XKR4: variants seen among roughly 807,000 people sequenced by gnomAD.
The protein encoded by XKR4 is XK related 4.
A neutral mutation model predicts 53.9 loss-of-function variants in XKR4; 12 were observed. That is an observed-to-expected ratio of 0.22 (90% CI 0.14 to 0.36). XKR4 has a LOEUF of 0.36. Among genes scored for constraint, XKR4 ranks in the 10% least tolerant of loss-of-function variants. The pLI, the probability that XKR4 is intolerant of heterozygous loss-of-function variation, is 1.00. For synonymous variants in XKR4, 354 were observed against 362.4 expected (o/e 0.98, Z 0.26); for missense variants, 799 against 859.5 (o/e 0.93, Z 0.88).
intron 1 of XKR4, among the ~76,000 whole-genome samples, chr8:55,136,020 A>G (rs1191012136): frequency 6.6e-6 from 1 of 151,912 alleles, no homozygotes; most frequent in Non-Finnish European, 1.5e-5. Context: ...CAGTCTCCCA[A>G]GTAGCTGGGA....
intron 1 of XKR4, among the ~76,000 whole-genome samples, chr8:55,189,152 G>A (rs1480513374): frequency 6.6e-6 from 1 of 152,132 alleles, no homozygotes; most frequent in Admixed American, 6.5e-5. Flanking sequence ...TAGGTTTAGG[G>A]TGCCTGTTAA....
chr8:55,356,287 T>C (rs991299515), intron 1 of XKR4, among the ~76,000 whole-genome samples: 5 of 152,168 alleles, frequency 3.3e-5, no homozygotes, highest in Non-Finnish European at 7.4e-5. Flanking sequence ...CAATATCACC[T>C]GCCAAAAGCA....
At chr8:55,514,160 A>G (rs1806674876) in intron 2 of XKR4, among the ~76,000 whole-genome samples, 1 of 152,236 alleles carries the variant, frequency 6.6e-6, no homozygotes, top group African/African-American at 2.4e-5. Context: ...AAATGGACAA[A>G]AAATTTACAT....
chr8:55,239,904 T>G (rs550171008), intron 1 of XKR4, among the ~76,000 whole-genome samples: 104 of 152,196 alleles, frequency 6.8e-4, no homozygotes, highest in Non-Finnish European at 1.4e-3. Context: ...AAAGTGCTTC[T>G]TATTCACACT....
intron 2 of XKR4, chr8:55,454,308 C>T (rs1236584071): frequency 2.7e-6 from 4 of 1,471,834 alleles, no homozygotes; most frequent in African/African-American, 2.8e-5. Flanking sequence ...GCATTGACCC[C>T]GATTATGAAG....
rs79448399 is a variant in XKR4, at chr8:55,487,984, T to C, written c.1007-35297T>C. On this transcript the variant is annotated intron_variant, in intron 2 of 2. Coordinates refer to ENST00000327381, the MANE Select transcript of XKR4 (RefSeq NM_052898.2). ...GAACTCTGCTTTCAGGATTTCCAACTCTGGAATTTTAATCATTCAGGATTG... is the reference window on the plus strand; with the variant it reads ...GAACTCTGCTTTCAGGATTTCCAACCCTGGAATTTTAATCATTCAGGATTG... 7.6e-3 allele frequency among the ~76,000 whole-genome samples: 1,152 copies of C among 152,298 alleles called. 11 individuals carry two copies. Among genetic ancestry groups the C allele is most frequent in the African/African-American group, 0.026 (1,075 of 41,560 alleles).
intron 1 of XKR4, among the ~76,000 whole-genome samples, chr8:55,325,531 A>G (rs1056825353): frequency 6.6e-6 from 1 of 152,258 alleles, no homozygotes; most frequent in African/African-American, 2.4e-5. Flanking sequence ...TGAGGAAAAC[A>G]ACTCTTAAAT....
chr8:55,379,301 C>T (rs1804198433), intron 2 of XKR4, among the ~76,000 whole-genome samples: 1 of 152,148 alleles, frequency 6.6e-6, no homozygotes. Context: ...CTGTCAGGTG[C>T]TTCATAGTCC....
chr8:55,329,881 G>A (rs1268227192), intron 1 of XKR4, among the ~76,000 whole-genome samples: 1 of 152,118 alleles, frequency 6.6e-6, no homozygotes, highest in African/African-American at 2.4e-5. Flanking sequence ...AAGATACTAG[G>A]CATAGAGGTT....
At chr8:55,384,331 T>C (rs1390216388) in intron 2 of XKR4, among the ~76,000 whole-genome samples, 1 of 152,234 alleles carries the variant, frequency 6.6e-6, no homozygotes, top group Non-Finnish European at 1.5e-5. Flanking sequence ...AAATGTGTGC[T>C]GGGAAAAATG....
chr8:55,523,977 G>A lies in XKR4; in HGVS notation c.1703G>A (p.Gly568Glu). 6.2e-7 allele frequency: 1 copy of A among 1,614,082 alleles called. No homozygotes were observed. The highest frequency in any genetic ancestry group is 8.5e-7 in the Non-Finnish European group (1 of 1,180,030). Residue 568 changes from glycine (G) to glutamate (E), a missense_variant, in exon 3 of 3, where the codon GGG becomes GAG. Physicochemically the swap from Gly to Glu is moderately conservative, Grantham distance 98 (BLOSUM62 -2). This residue lies in a region of XKR4 where 269 missense variants were observed against 264.4 expected (regional missense o/e 1.02). Transcript: ENST00000327381. ...GATCAGAAATTCGCAGAGCGGGATG[G>A]GTGTGTACCTGTCTTTCAAGTGAGG... ...DRDQKFAERDGCVPVFQVRPT... is the reference protein window; with the variant it reads ...DRDQKFAERDECVPVFQVRPT...
chr8:55,384,656 C>T (rs1804284239), intron 2 of XKR4, among the ~76,000 whole-genome samples: 1 of 152,188 alleles, frequency 6.6e-6, no homozygotes, highest in Non-Finnish European at 1.5e-5. Context: ...GGTCCCTGAA[C>T]ACAGTGAGGT....
chr8:55,151,027 C>T lies in XKR4; in HGVS notation c.806+47733C>T, dbSNP rs148987211. On this transcript the variant is annotated intron_variant, in intron 1 of 2. Transcript: ENST00000327381. ...TCCATCTCTAATTTTGGCAATTACT[C>T]AACTTGCACTCAGTATTTAAAGGAA... Among the ~76,000 whole-genome samples the T allele has an allele frequency of 4.0e-3, 612 of 152,288 alleles. 4 individuals are homozygous for T. Among genetic ancestry groups the T allele is most frequent in the Middle Eastern group, 6.8e-3 (2 of 294 alleles).
chr8:55,297,203 C>T (rs1320404842), intron 1 of XKR4, among the ~76,000 whole-genome samples: 1 of 152,062 alleles, frequency 6.6e-6, no homozygotes, highest in East Asian at 1.9e-4. Flanking sequence ...GGAAATGATA[C>T]CCAAGAGCTT....
chr8:55,118,140 T>A (rs1379371781), intron 1 of XKR4, among the ~76,000 whole-genome samples: 1 of 152,214 alleles, frequency 6.6e-6, no homozygotes, highest in Non-Finnish European at 1.5e-5. Context: ...TTCCTGGGAT[T>A]GATGTGTCAC....
chr8:55,291,702 A>G (rs1819023805), intron 1 of XKR4, among the ~76,000 whole-genome samples: 1 of 152,144 alleles, frequency 6.6e-6, no homozygotes, highest in South Asian at 2.1e-4. Context: ...ATGTTATCAT[A>G]CATCTTGCAA....
intron 2 of XKR4, among the ~76,000 whole-genome samples, chr8:55,467,342 G>T (rs1805790405): frequency 6.6e-6 from 1 of 152,112 alleles, no homozygotes; most frequent in African/African-American, 2.4e-5. Flanking sequence ...TTAACTCAAA[G>T]TCAAATGATT....
chr8:55,252,883 G>T (rs936530318), intron 1 of XKR4, among the ~76,000 whole-genome samples: 1 of 152,174 alleles, frequency 6.6e-6, no homozygotes, highest in Non-Finnish European at 1.5e-5. Flanking sequence ...AAATCAGAAA[G>T]AGTACAGACC....
intron 1 of XKR4, among the ~76,000 whole-genome samples, chr8:55,219,641 C>A (rs1034658745): frequency 1.3e-5 from 2 of 152,184 alleles, no homozygotes; most frequent in African/African-American, 4.8e-5. Flanking sequence ...AAACCAACAA[C>A]CTCTCCCCAT....
Sources: allele counts gnomAD v4.1 joint callset (sites outside exome capture counted in the v4.1 genomes callset), GRCh38; gene constraint gnomAD v4.1.1; regional missense constraint gnomAD v4.1.1; transcripts MANE v1.5; gene names NCBI Gene and HGNC (gene_info 2026-07-23, HGNC 2026-07-21).